The following NMNAT3 variants were observed in gnomAD, a reference collection of about 807,000 sequenced individuals.
The protein encoded by NMNAT3 is nicotinamide nucleotide adenylyltransferase 3.
NMNAT3 carries 21 observed loss-of-function variants against 24.8 expected under a neutral mutation model. That is an observed-to-expected ratio of 0.85 (90% CI 0.60 to 1.22). NMNAT3 has a LOEUF of 1.22. Among genes scored for constraint, NMNAT3 ranks in the 50% most tolerant of loss-of-function variants. The pLI is 0.00. For synonymous variants in NMNAT3, 136 were observed against 155.2 expected, an observed-to-expected ratio of 0.88 and a Z score of 0.92; for missense variants, 387 against 436.6, an observed-to-expected ratio of 0.89 and a Z score of 1.01.
At chr3:139,586,793 G>T (rs1486458250) in intron 3 of NMNAT3, among the ~76,000 whole-genome samples, 4 of 152,138 alleles carry the variant, frequency 2.6e-5, no homozygotes, top group African/African-American at 9.7e-5. Context: ...AGCCCACAGA[G>T]CAGTAAAAAG....
intron 6 of NMNAT3, among the ~76,000 whole-genome samples, chr3:139,573,082 C>A (rs771143125): frequency 6.6e-6 from 1 of 152,194 alleles, no homozygotes; most frequent in Non-Finnish European, 1.5e-5. Context: ...CAGGAAATTA[C>A]AACACTTCCT....
At chr3:139,651,043 A>G (rs940343953) in intron 1 of NMNAT3, among the ~76,000 whole-genome samples, 5 of 152,240 alleles carry the variant, frequency 3.3e-5, no homozygotes, top group African/African-American at 1.2e-4. Flanking sequence ...ATTATTTAAA[A>G]TAACTTTCTA....
chr3:139,659,938 G>A (rs2057361599), intron 1 of NMNAT3, among the ~76,000 whole-genome samples: 1 of 152,194 alleles, frequency 6.6e-6, no homozygotes, highest in African/African-American at 2.4e-5. Flanking sequence ...CCAGATCTTT[G>A]CAATCAGAAA....
chr3:139,593,906 A>T (rs1298020305), intron 3 of NMNAT3, among the ~76,000 whole-genome samples: 1 of 146,450 alleles, frequency 6.8e-6, no homozygotes, highest in Non-Finnish European at 1.5e-5. Context: ...AAAGAACTAG[A>T]AAAGCAAGAG....
intron 3 of NMNAT3, among the ~76,000 whole-genome samples, chr3:139,607,714 G>A (rs1367217366): frequency 1.3e-5 from 2 of 152,082 alleles, no homozygotes; most frequent in African/African-American, 4.8e-5. Flanking sequence ...ATATAAAGAG[G>A]AACACTCAGA....
intron 3 of NMNAT3, among the ~76,000 whole-genome samples, chr3:139,610,696 C>A (rs756570155): frequency 2.3e-4 from 35 of 152,160 alleles, no homozygotes; most frequent in Non-Finnish European, 4.4e-4. Context: ...TCCTAAAGCC[C>A]AGAAGACCCA....
At chr3:139,599,192 T>C (rs2054602926) in intron 3 of NMNAT3, 1 of 590,190 alleles carries the variant, frequency 1.7e-6, no homozygotes, top group Non-Finnish European at 3.0e-6. Context: ...TTACCATACA[T>C]ATTTAAAACA....
At chr3:139,646,391 A>G (rs1031820001) in intron 1 of NMNAT3, among the ~76,000 whole-genome samples, 7 of 152,134 alleles carry the variant, frequency 4.6e-5, no homozygotes, top group African/African-American at 1.7e-4. Context: ...CACATTCAAT[A>G]GTTTTTTATA....
chr3:139,635,311 G>A (rs956002428), intron 2 of NMNAT3: 1 of 152,216 alleles, frequency 6.6e-6, no homozygotes, highest in African/African-American at 2.4e-5. Context: ...CCACTGAAGG[G>A]TGCTGATGAG....
intron 3 of NMNAT3, among the ~76,000 whole-genome samples, chr3:139,623,075 C>G (rs2055878339): frequency 6.6e-6 from 1 of 151,626 alleles, no homozygotes; most frequent in Admixed American, 6.6e-5. Context: ...CTTACTATAA[C>G]TTTTTTACTT....
rs2108300482 is a variant in NMNAT3, at chr3:139,624,315, G to GT, written c.109+3300dup. 2.0e-5 allele frequency among the ~76,000 whole-genome samples: 3 copies of GT among 152,114 alleles called. 1 individual carries two copies. In the South Asian group the frequency reaches 6.2e-4, roughly 31 times the overall value. Reference sequence around the variant, plus strand: ...TTTTGATTTCTTCTGTGACCCATGAGTTTTTCAAAGTATGTTATTTTATTT... The same window carrying GT: ...TTTTGATTTCTTCTGTGACCCATGAGTTTTTTCAAAGTATGTTATTTTATTT... On this transcript the variant is annotated intron_variant, in intron 3 of 6. Coordinates refer to ENST00000643695, the MANE Select transcript of NMNAT3 (RefSeq NM_001320510.2).
Position 139,578,896 on chromosome 3 carries a change from C to T in NMNAT3, c.551G>A (p.Trp184Ter). ...CCTCAGCACCTTCACTGTCTCCATC[C>T]ACTGTGCCTGCTCACTCTCCCAAGG... Residue 184 changes from tryptophan to a stop codon, truncating the protein, a stop_gained, in exon 5 of 7, where the codon TGG becomes TAG. Transcript: ENST00000643695. LOFTEE classifies it high-confidence loss of function. The T allele has an allele frequency of 3.1e-6, 5 of 1,614,160 alleles. No individual in the cohort carries two copies. Among genetic ancestry groups the T allele is most frequent in the Non-Finnish European group, 4.2e-6 (5 of 1,180,014 alleles).
intron 1 of NMNAT3, among the ~76,000 whole-genome samples, chr3:139,647,290 A>G (rs1160219434): frequency 6.6e-6 from 1 of 152,180 alleles, no homozygotes; most frequent in Non-Finnish European, 1.5e-5. Flanking sequence ...TAAGTTTTCA[A>G]TGTACAGAGC....
intron 3 of NMNAT3, among the ~76,000 whole-genome samples, chr3:139,591,965 T>C (rs1032111181): frequency 1.3e-5 from 2 of 152,190 alleles, no homozygotes; most frequent in African/African-American, 2.4e-5. Context: ...CAAAGCTGGA[T>C]GGAGAATGAC....
rs964529687 is a variant in NMNAT3, at chr3:139,561,102, C to A, written c.949G>T (p.Val317Phe). Residue 317 changes from valine to phenylalanine, a missense_variant, in exon 7 of 7, where the codon GTC becomes TTC. Physicochemically the swap from Val to Phe is conservative, Grantham distance 50 (BLOSUM62 -1). Transcript: ENST00000643695. ...CCATGGTCCTTGATGTACGTGATGA[C>A]AGCATCGGGAATCAGGTACTTTACG... 4.3e-6 allele frequency: 7 copies of A among 1,613,892 alleles called. No homozygotes were observed. The African/African-American group carries it at 9.4e-5, about 22-fold the overall frequency.
At chr3:139,647,307 A>G (rs1483853963) in intron 1 of NMNAT3, among the ~76,000 whole-genome samples, 6 of 152,214 alleles carry the variant, frequency 3.9e-5, no homozygotes. Flanking sequence ...GAGCAAAATA[A>G]CATCTATTTC....
chr3:139,575,026 C>A (rs1260278057), intron 5 of NMNAT3, among the ~76,000 whole-genome samples: 1 of 152,114 alleles, frequency 6.6e-6, no homozygotes, highest in Non-Finnish European at 1.5e-5. Context: ...ACGCTTAGCA[C>A]CAGCCCATAT....
intron 1 of NMNAT3, among the ~76,000 whole-genome samples, chr3:139,657,629 G>A (rs1425230287): frequency 6.6e-6 from 1 of 152,020 alleles, no homozygotes; most frequent in Non-Finnish European, 1.5e-5. Flanking sequence ...GGGGTTTGAT[G>A]CAGGATAGGC....
chr3:139,675,135 TACAC>T (rs148834873), intron 1 of NMNAT3, among the ~76,000 whole-genome samples: 131 of 148,344 alleles, frequency 8.8e-4, no homozygotes, highest in African/African-American at 2.8e-3. Flanking sequence ...CTTTTAAACA[TACAC>T]ACACACACAC....
Sources: gnomAD v4.1 joint callset for allele counts (sites outside exome capture counted in the v4.1 genomes callset) on GRCh38, gnomAD v4.1.1 for gene constraint, MANE v1.5 for transcripts, NCBI Gene and HGNC (gene_info 2026-07-23, HGNC 2026-07-21) for gene names.